KAT6A: variants seen among roughly 807,000 people sequenced by gnomAD.
The protein encoded by KAT6A is lysine acetyltransferase 6A, also known as histone acetyltransferase KAT6A.
KAT6A carries 9 observed loss-of-function variants against 198.4 expected under a neutral mutation model. The observed-to-expected ratio is 0.05, with a 90% confidence interval of 0.03 to 0.08. The LOEUF (loss-of-function observed/expected upper bound fraction) is 0.08, where lower values mean the gene tolerates loss of function less well. KAT6A is among the 10% of genes least tolerant of loss of function. KAT6A has a pLI of 1.00. For synonymous variants in KAT6A, 890 were observed against 883.0 expected, an observed-to-expected ratio of 1.01 and a Z score of -0.14; for missense variants, 2,077 against 2,509.9, an observed-to-expected ratio of 0.83 and a Z score of 3.69.
intron 2 of KAT6A, among the ~76,000 whole-genome samples, chr8:42,031,149 G>A (rs770269798): frequency 5.3e-5 from 8 of 152,088 alleles, no homozygotes; most frequent in African/African-American, 9.7e-5. Flanking sequence ...TCCCAGAGGG[G>A]AGCCAAGTAG....
chr8:41,987,109 G>A (rs1824652036), intron 3 of KAT6A, among the ~76,000 whole-genome samples: 1 of 152,124 alleles, frequency 6.6e-6, no homozygotes, highest in Non-Finnish European at 1.5e-5. Flanking sequence ...TATTTTTACT[G>A]TACCTTTTCT....
chr8:42,038,459 G>A (rs1827483793), intron 2 of KAT6A, among the ~76,000 whole-genome samples: 1 of 152,116 alleles, frequency 6.6e-6, no homozygotes, highest in Non-Finnish European at 1.5e-5. Context: ...TTTATTCTAT[G>A]GTTTCCATTA....
intron 2 of KAT6A, among the ~76,000 whole-genome samples, chr8:42,044,390 CA>C (rs1433966930): frequency 6.6e-6 from 1 of 152,068 alleles, no homozygotes; most frequent in Non-Finnish European, 1.5e-5. Flanking sequence ...CCTGAGCCAC[CA>C]GGCCTGGCCT....
At chr8:41,943,069 G>T in intron 13 of KAT6A, 69 bp from the exon 14 acceptor site, 2 of 1,587,668 alleles carry the variant, frequency 1.3e-6, no homozygotes, top group South Asian at 1.1e-5. Flanking sequence ...ATGTGGAGAT[G>T]AGACCCCTGG....
intron 2 of KAT6A, among the ~76,000 whole-genome samples, chr8:42,039,307 A>C (rs1396330472): frequency 6.6e-6 from 1 of 152,226 alleles, no homozygotes; most frequent in African/African-American, 2.4e-5. Context: ...TCATTATTAT[A>C]ATTTTAAGAA....
chr8:41,951,764 A>G (rs1822678988), intron 9 of KAT6A, among the ~76,000 whole-genome samples: 1 of 152,262 alleles, frequency 6.6e-6, no homozygotes, highest in African/African-American at 2.4e-5. Context: ...TGGCTTCTGA[A>G]CATGGCCCAA....
chr8:41,938,954 G>GAAA (rs894664976), intron 15 of KAT6A, among the ~76,000 whole-genome samples: 55 of 75,700 alleles, frequency 7.3e-4, no homozygotes, highest in African/African-American at 1.6e-3. Flanking sequence ...TCTGGGGAAG[G>GAAA]AAAAAAAAAA....
chr8:42,050,462 A>C (rs1802554165), intron 1 of KAT6A, among the ~76,000 whole-genome samples: 1 of 152,252 alleles, frequency 6.6e-6, no homozygotes, highest in African/African-American at 2.4e-5. Context: ...TGGCTCCCAC[A>C]GCAACTATTC....
At chr8:41,993,065 C>A (rs1051051461) in intron 2 of KAT6A, among the ~76,000 whole-genome samples, 1 of 152,148 alleles carries the variant, frequency 6.6e-6, no homozygotes, top group African/African-American at 2.4e-5. Flanking sequence ...CCCTCTATGT[C>A]CCTGTATATT....
chr8:41,952,146 A>C (rs896926302), intron 9 of KAT6A, among the ~76,000 whole-genome samples: 7 of 152,192 alleles, frequency 4.6e-5, no homozygotes, highest in African/African-American at 1.7e-4. Flanking sequence ...AATTTTACTC[A>C]ATAATTTAAT....
chr8:42,033,974 C>T (rs1024810085), intron 2 of KAT6A, among the ~76,000 whole-genome samples: 34 of 152,032 alleles, frequency 2.2e-4, no homozygotes, highest in Non-Finnish European at 5.9e-5. Context: ...CAAGTGTGTA[C>T]GGACATATGC....
In KAT6A at chr8:42,031,026, C is replaced by CAA. The variant is rs35186257; in HGVS notation, c.600+17350_600+17351dup. ...GTATGTTAAGGTATGCTGCCAAATGCAAAAAAAAAAAAGGGGGGGGGGACA... is the reference window on the plus strand; with the variant it reads ...GTATGTTAAGGTATGCTGCCAAATGCAAAAAAAAAAAAAAGGGGGGGGGGACA... On this transcript the variant is annotated intron_variant, in intron 2 of 16. Coordinates refer to ENST00000265713, the MANE Select transcript of KAT6A (RefSeq NM_006766.5). 1.8e-3 allele frequency among the ~76,000 whole-genome samples: 70 copies of CAA among 37,850 alleles called. 1 individual carries two copies. The highest frequency in any genetic ancestry group is 4.0e-3 in the African/African-American group (61 of 15,148). The allele number at this position is 37,850 out of a possible 152,430, so 24.8% of individuals were successfully genotyped here.
At chr8:42,022,824 G>GTA (rs1293753870) in intron 2 of KAT6A, among the ~76,000 whole-genome samples, 2 of 152,134 alleles carry the variant, frequency 1.3e-5, no homozygotes, top group African/African-American at 2.4e-5. Flanking sequence ...ATATAAAAAT[G>GTA]TATAAATTAT....
intron 2 of KAT6A, among the ~76,000 whole-genome samples, chr8:42,045,441 A>G (rs1033160920): frequency 6.6e-6 from 1 of 151,996 alleles, no homozygotes; most frequent in African/African-American, 2.4e-5. Flanking sequence ...GCATGCCTGT[A>G]ATCCCAGCTA....
intron 2 of KAT6A, among the ~76,000 whole-genome samples, chr8:42,019,890 A>G (rs746087366): frequency 2.6e-5 from 4 of 152,166 alleles, no homozygotes; most frequent in Non-Finnish European, 5.9e-5. Flanking sequence ...CAAGCAATAG[A>G]CCTTAACCCT....
chr8:41,970,786 G>A (rs534422117), intron 8 of KAT6A, among the ~76,000 whole-genome samples: 6 of 152,222 alleles, frequency 3.9e-5, no homozygotes, highest in Admixed American at 1.3e-4. Flanking sequence ...TGTTTATTGC[G>A]GCACTATTCA....
chr8:42,011,434 G>A lies in KAT6A; in HGVS notation c.601-23871C>T, dbSNP rs550304335. On this transcript the variant is annotated intron_variant, in intron 2 of 16. Transcript: ENST00000265713. ...GAAATGAGTATTCACAATGCTGATC[G>A]ACAGTTAAAAATCACTACTTCGGCC... 9.2e-5 allele frequency among the ~76,000 whole-genome samples: 14 copies of A among 152,098 alleles called. No individual in the cohort carries two copies. In the South Asian group the frequency reaches 1.9e-3, roughly 20 times the overall value.
chr8:42,019,110 T>C (rs1044415662), intron 2 of KAT6A, among the ~76,000 whole-genome samples: 1 of 152,190 alleles, frequency 6.6e-6, no homozygotes, highest in Admixed American at 6.5e-5. Flanking sequence ...GGAAAGTCAT[T>C]TGATCTCATC....
chr8:41,993,569 T>C (rs1825044352), intron 2 of KAT6A, among the ~76,000 whole-genome samples: 1 of 152,200 alleles, frequency 6.6e-6, no homozygotes, highest in Non-Finnish European at 1.5e-5. Flanking sequence ...AGAGATATAC[T>C]ATTACTGACA....
Sources: gnomAD v4.1 joint callset for allele counts (sites outside exome capture counted in the v4.1 genomes callset) on GRCh38, gnomAD v4.1.1 for gene constraint, MANE v1.5 for transcripts, NCBI Gene and HGNC (gene_info 2026-07-23, HGNC 2026-07-21) for gene names.